The following CSMD1 variants were observed in gnomAD, a reference collection of about 807,000 sequenced individuals.
The protein encoded by CSMD1 is CUB and Sushi multiple domains 1.
In CSMD1, 213 loss-of-function variants were observed where a neutral mutation model predicts 417.5. The ratio of observed to expected loss-of-function variants is 0.51; its 90% CI spans 0.46 to 0.57. The LOEUF (loss-of-function observed/expected upper bound fraction) is 0.57, where lower values mean the gene tolerates loss of function less well. CSMD1 is among the 20% of genes least tolerant of loss of function. The pLI is 0.00. For synonymous variants in CSMD1, 2,862 were observed against 1,736.8 expected (o/e 1.65, Z -16.11); for missense variants, 6,923 against 4,529.7 (o/e 1.53, Z -15.17).
At chr8:4,307,683 G>C (rs9314522) in intron 3 of CSMD1, among the ~76,000 whole-genome samples, 130,129 of 152,168 alleles carry the variant, frequency 0.86, 55,736 homozygotes, top group African/African-American at 0.91. Context: ...ATTTGTTGGT[G>C]ACTTTGCAAA....
At chr8:3,964,368 C>T (rs903347569) in intron 5 of CSMD1, among the ~76,000 whole-genome samples, 1 of 152,164 alleles carries the variant, frequency 6.6e-6, no homozygotes, top group Non-Finnish European at 1.5e-5. Flanking sequence ...ACTTAATTCA[C>T]ATTTGTTTGT....
At chr8:4,910,771 G>C (rs1184768312) in intron 1 of CSMD1, among the ~76,000 whole-genome samples, 1 of 152,130 alleles carries the variant, frequency 6.6e-6, no homozygotes, top group Admixed American at 6.5e-5. Context: ...CCCCAACAAG[G>C]ACCTTATAAG....
chr8:3,258,950 A>G (rs2117076927), intron 26 of CSMD1, among the ~76,000 whole-genome samples: 1 of 152,320 alleles, frequency 6.6e-6, no homozygotes, highest in Non-Finnish European at 1.5e-5. Flanking sequence ...GGATGGTGGA[A>G]AGTGAGAAAA....
At chr8:4,790,476 A>T (rs934613581) in intron 1 of CSMD1, among the ~76,000 whole-genome samples, 10 of 152,220 alleles carry the variant, frequency 6.6e-5, no homozygotes, top group African/African-American at 2.2e-4. Context: ...ATGAGAAAAA[A>T]ACTCTTCTAA....
rs182992335 is a variant in CSMD1, at chr8:4,153,942, C to T, written c.416-121843G>A. ...AACGAGGCACTGTGGATCCTGCTTTCAAGTGTTTTCTGCATTACTGACAGC... is the reference window on the plus strand; with the variant it reads ...AACGAGGCACTGTGGATCCTGCTTTTAAGTGTTTTCTGCATTACTGACAGC... On this transcript the variant is annotated intron_variant, in intron 3 of 69. Coordinates refer to ENST00000635120, the MANE Select transcript of CSMD1 (RefSeq NM_033225.6). Among the ~76,000 whole-genome samples, 306 of 152,310 alleles carry T rather than the reference C, an allele frequency of 2.0e-3. 8 individuals carry two copies. Among genetic ancestry groups the T allele is most frequent in the Non-Finnish European group, 5.3e-4 (36 of 68,030 alleles).
intron 1 of CSMD1, chr8:4,787,574 G>C (rs1797472327): frequency 6.7e-7 from 1 of 1,493,716 alleles, no homozygotes; most frequent in Admixed American, 1.7e-5. Flanking sequence ...AGCTTTCATT[G>C]CACCCCAGTG....
At chr8:3,417,225 A>C (rs1813214073) in intron 12 of CSMD1, among the ~76,000 whole-genome samples, 1 of 152,222 alleles carries the variant, frequency 6.6e-6, no homozygotes, top group Non-Finnish European at 1.5e-5. Flanking sequence ...GATGTTCCAT[A>C]AATAAGAGGG....
At chr8:3,262,285 G>A (rs374499629) in intron 26 of CSMD1, among the ~76,000 whole-genome samples, 61 of 142,406 alleles carry the variant, frequency 4.3e-4, no homozygotes, top group African/African-American at 1.4e-3. Flanking sequence ...GCCAATAAGC[G>A]TCACAGAAGT....
intron 33 of CSMD1, among the ~76,000 whole-genome samples, chr8:3,198,239 A>G (rs912404115): frequency 2.0e-5 from 3 of 152,236 alleles, no homozygotes; most frequent in African/African-American, 7.2e-5. Flanking sequence ...ATCTTTATCA[A>G]AAACCAAGGA....
intron 12 of CSMD1, among the ~76,000 whole-genome samples, chr8:3,465,381 T>C (rs1816739447): frequency 6.6e-6 from 1 of 152,132 alleles, no homozygotes; most frequent in Non-Finnish European, 1.5e-5. Flanking sequence ...TGGAGAAATC[T>C]CACATATGCC....
At chr8:3,046,717 C>T (rs977431689) in intron 50 of CSMD1, among the ~76,000 whole-genome samples, 2 of 152,176 alleles carry the variant, frequency 1.3e-5, no homozygotes, top group South Asian at 2.1e-4. Flanking sequence ...CAGCCTTCCC[C>T]GCAGCAGCTG....
intron 2 of CSMD1, among the ~76,000 whole-genome samples, chr8:4,536,522 T>G (rs1797110349): frequency 6.6e-6 from 1 of 152,186 alleles, no homozygotes; most frequent in African/African-American, 2.4e-5. Flanking sequence ...TCACATGTCA[T>G]GATATTGTAT....
intron 3 of CSMD1, among the ~76,000 whole-genome samples, chr8:4,238,406 T>C (rs778137119): frequency 1.3e-5 from 2 of 152,084 alleles, no homozygotes; most frequent in Non-Finnish European, 2.9e-5. Context: ...TGAGCACACA[T>C]GGTATACCCT....
chr8:3,947,757 T>C (rs1000153098), intron 5 of CSMD1, among the ~76,000 whole-genome samples: 4 of 152,188 alleles, frequency 2.6e-5, no homozygotes, highest in Admixed American at 6.5e-5. Flanking sequence ...TAGTGAATGT[T>C]CCATGTGCGG....
At chr8:4,181,280 G>C (rs904316923) in intron 3 of CSMD1, among the ~76,000 whole-genome samples, 1 of 152,026 alleles carries the variant, frequency 6.6e-6, no homozygotes, top group East Asian at 1.9e-4. Flanking sequence ...ATCTGAATTT[G>C]ATATTTATTG....
intron 1 of CSMD1, among the ~76,000 whole-genome samples, chr8:4,970,878 A>G (rs1810196358): frequency 6.6e-6 from 1 of 152,138 alleles, no homozygotes; most frequent in South Asian, 2.1e-4. Flanking sequence ...TATTTTATTA[A>G]GAAAGGAAAG....
At position 3,124,923 on chromosome 8, in the gene CSMD1, T is replaced by G. The variant is rs537477740; in HGVS notation, c.6242-6336A>C. ...TTTCTATTGTAAACTATACACTAAG[T>G]AAGAGTATCACTAAGTAAGAGCATC... On this transcript the variant is annotated intron_variant, in intron 41 of 69. Coordinates refer to ENST00000635120, the MANE Select transcript of CSMD1 (RefSeq NM_033225.6). Among the ~76,000 whole-genome samples, 7 of 152,248 alleles carry G rather than the reference T, an allele frequency of 4.6e-5. No homozygotes were observed. The East Asian group carries it at 1.3e-3, about 29-fold the overall frequency.
intron 23 of CSMD1, among the ~76,000 whole-genome samples, chr8:3,322,156 A>T (rs973565984): frequency 6.6e-6 from 1 of 152,230 alleles, no homozygotes; most frequent in Non-Finnish European, 1.5e-5. Flanking sequence ...GAGTTTGAGG[A>T]TGATAAATGA....
chr8:4,145,971 T>C (rs1385945762), intron 3 of CSMD1, among the ~76,000 whole-genome samples: 1 of 150,990 alleles, frequency 6.6e-6, no homozygotes, highest in Admixed American at 6.6e-5. Flanking sequence ...CGCTGTCATT[T>C]GTAGACAGGG....
Sources: gnomAD v4.1 joint callset for allele counts (sites outside exome capture counted in the v4.1 genomes callset) on GRCh38, gnomAD v4.1.1 for gene constraint, MANE v1.5 for transcripts, NCBI Gene and HGNC (gene_info 2026-07-23, HGNC 2026-07-21) for gene names.